The following ERI3 variants were observed in gnomAD, a reference collection of about 807,000 sequenced individuals.
The protein encoded by ERI3 is ERI1 exoribonuclease family member 3, also known as ERI1 exoribonuclease 3.
In ERI3, 18 loss-of-function variants were observed where a neutral mutation model predicts 44.4. The observed-to-expected ratio is 0.41, with a 90% CI of 0.28 to 0.60. The LOEUF (loss-of-function observed/expected upper bound fraction) is 0.60, where lower values mean the gene tolerates loss of function less well. Among genes scored for constraint, ERI3 ranks in the 20% least tolerant of loss-of-function variants. The pLI is 0.36. For synonymous variants in ERI3, 183 were observed against 164.8 expected, an observed-to-expected ratio of 1.11 and a Z score of -0.84; for missense variants, 294 against 435.5, an observed-to-expected ratio of 0.68 and a Z score of 2.89.
rs866699556 is a variant in ERI3, at chr1:44,332,170, T to A, written c.489+6875A>T. The stretch of plus-strand genomic sequence containing the variant: ...CCTTTGCTGACTTAGGCGGTTTTTT[T>A]ATGTCCAACAAAAACTTTAAAAGGC... On this transcript the variant is annotated intron_variant, in intron 3 of 8. Coordinates refer to ENST00000372257, the MANE Select transcript of ERI3 (RefSeq NM_024066.3). Among the ~76,000 whole-genome samples, 20 of 152,306 alleles carry A rather than the reference T, an allele frequency of 1.3e-4. 2 individuals carry two copies. The South Asian group carries it at 2.5e-3, about 19-fold the overall frequency.
intron 6 of ERI3, among the ~76,000 whole-genome samples, chr1:44,299,150 T>C (rs1170216659): frequency 6.6e-6 from 1 of 152,114 alleles, no homozygotes; most frequent in South Asian, 2.1e-4. Context: ...CACTTCACAT[T>C]TGTGTATTTA....
chr1:44,315,703 T>C (rs769270012), intron 4 of ERI3, among the ~76,000 whole-genome samples: 2 of 152,342 alleles, frequency 1.3e-5, no homozygotes, highest in African/African-American at 4.8e-5. Flanking sequence ...CTCAAGGATT[T>C]GCATTTAGCC....
At chr1:44,352,245 TA>T (rs1646906430) in intron 2 of ERI3, among the ~76,000 whole-genome samples, 1 of 152,168 alleles carries the variant, frequency 6.6e-6, no homozygotes, top group Non-Finnish European at 1.5e-5. Flanking sequence ...ACATGCAACC[TA>T]AATTAAACCA....
intron 7 of ERI3, chr1:44,284,148 G>C: frequency 2.2e-6 from 1 of 455,566 alleles, no homozygotes; most frequent in South Asian, 1.6e-5. Flanking sequence ...CTAGAGCAGG[G>C]ATACTCTGCT....
intron 6 of ERI3, among the ~76,000 whole-genome samples, chr1:44,306,794 C>T (rs1481641433): frequency 6.6e-6 from 1 of 152,218 alleles, no homozygotes; most frequent in Non-Finnish European, 1.5e-5. Flanking sequence ...CCTGGTGAGG[C>T]TACCTGGAGG....
chr1:44,336,724 C>T (rs1388637313), intron 3 of ERI3, among the ~76,000 whole-genome samples: 1 of 152,236 alleles, frequency 6.6e-6, no homozygotes, highest in Non-Finnish European at 1.5e-5. Context: ...CATTCGTATT[C>T]TCCTTTTAAA....
intron 7 of ERI3, among the ~76,000 whole-genome samples, chr1:44,277,221 T>C (rs953468597): frequency 6.6e-6 from 1 of 152,182 alleles, no homozygotes; most frequent in African/African-American, 2.4e-5. Flanking sequence ...CCTGTCACAA[T>C]AGAAGCAGGG....
intron 2 of ERI3, among the ~76,000 whole-genome samples, chr1:44,347,364 C>T (rs908766717): frequency 2.0e-5 from 3 of 152,286 alleles, no homozygotes; most frequent in Non-Finnish European, 2.9e-5. Context: ...TCTTCTCAAA[C>T]AAAATTCCAC....
chr1:44,302,881 A>G (rs1235603895), intron 6 of ERI3, among the ~76,000 whole-genome samples: 2 of 152,156 alleles, frequency 1.3e-5, no homozygotes, highest in South Asian at 2.1e-4. Flanking sequence ...CCTGCCACAA[A>G]CAGGTTATGT....
intron 7 of ERI3, among the ~76,000 whole-genome samples, chr1:44,283,343 G>A (rs1479794699): frequency 1.3e-5 from 2 of 152,212 alleles, no homozygotes; most frequent in Admixed American, 1.3e-4. Flanking sequence ...GATCCAGATG[G>A]CCATGTCTGG....
intron 3 of ERI3, chr1:44,322,943 A>G (rs946803730): frequency 2.9e-5 from 42 of 1,429,834 alleles, no homozygotes; most frequent in Non-Finnish European, 3.9e-5. Flanking sequence ...ATCCCAACAC[A>G]AAGATTTGTG....
chr1:44,306,135 A>T (rs879125532), intron 6 of ERI3, among the ~76,000 whole-genome samples: 1 of 152,232 alleles, frequency 6.6e-6, no homozygotes, highest in African/African-American at 2.4e-5. Flanking sequence ...AGACCTGCTT[A>T]TAAGAGGCAG....
At chr1:44,259,723 C>CACACACAA (rs1394413620) in intron 7 of ERI3, among the ~76,000 whole-genome samples, 1 of 147,478 alleles carries the variant, frequency 6.8e-6, no homozygotes, top group African/African-American at 2.5e-5. Flanking sequence ...CACACACACA[C>CACACACAA]AAATTAGCCA....
intron 3 of ERI3, among the ~76,000 whole-genome samples, chr1:44,332,740 G>T (rs1431236484): frequency 2.0e-5 from 3 of 152,218 alleles, no homozygotes; most frequent in Non-Finnish European, 4.4e-5. Flanking sequence ...CCCATTCCGG[G>T]AATACTAGTG....
chr1:44,225,326 T>G (rs1644010457), intron 8 of ERI3, among the ~76,000 whole-genome samples: 1 of 152,088 alleles, frequency 6.6e-6, no homozygotes, highest in Non-Finnish European at 1.5e-5. Context: ...CAGGCTGGAG[T>G]GCAGTGGCGT....
chr1:44,269,139 T>C (rs1390455056), intron 7 of ERI3, among the ~76,000 whole-genome samples: 2 of 152,190 alleles, frequency 1.3e-5, no homozygotes, highest in South Asian at 2.1e-4. Flanking sequence ...CTTGCATCTG[T>C]CTCATGTTTA....
intron 6 of ERI3, among the ~76,000 whole-genome samples, chr1:44,300,991 G>A (rs1355141272): frequency 1.3e-5 from 2 of 151,892 alleles, no homozygotes; most frequent in Admixed American, 1.3e-4. Flanking sequence ...TCTCTCATTA[G>A]AGGCAAGCCT....
At position 44,257,671 on chromosome 1, in the gene ERI3, G is replaced by T. The variant is rs532448464; in HGVS notation, c.832-9633C>A. Among the ~76,000 whole-genome samples, 249 of 152,232 alleles carry T rather than the reference G, an allele frequency of 1.6e-3. 1 individual carries two copies. The highest frequency in any genetic ancestry group is 5.8e-3 in the African/African-American group (239 of 41,516). On this transcript the variant is annotated intron_variant, in intron 7 of 8. Transcript: ENST00000372257. The stretch of plus-strand genomic sequence containing the variant: ...GCACAGGGGTGAGTTTCTCCCTCAT[G>T]GCCTCCTGCGCCAGAATTCCCTCTG...
At chr1:44,237,789 G>T (rs1644338346) in intron 8 of ERI3, among the ~76,000 whole-genome samples, 1 of 152,190 alleles carries the variant, frequency 6.6e-6, no homozygotes, top group Non-Finnish European at 1.5e-5. Context: ...CAGGCTCCCT[G>T]TACATCATGG....
Sources: allele counts gnomAD v4.1 joint callset (sites outside exome capture counted in the v4.1 genomes callset), GRCh38; gene constraint gnomAD v4.1.1; transcripts MANE v1.5; gene names NCBI Gene and HGNC (gene_info 2026-07-23, HGNC 2026-07-21).